The following LYPD6 variants were observed in gnomAD, a reference collection of about 807,000 sequenced individuals.
LYPD6 encodes the protein LY6/PLAUR domain containing 6.
In LYPD6, 15 loss-of-function variants were observed where a neutral mutation model predicts 22.7. The ratio of observed to expected loss-of-function variants is 0.66; its 90% CI spans 0.44 to 1.02. The LOEUF (loss-of-function observed/expected upper bound fraction) is 1.02, where lower values mean the gene tolerates loss of function less well. Ranked by LOEUF, LYPD6 falls within the 50% of genes least tolerant of loss-of-function variation. The pLI, the probability that LYPD6 is intolerant of heterozygous loss-of-function variation, is 0.00. For synonymous variants in LYPD6, 72 were observed against 77.5 expected (o/e 0.93, Z 0.37); for missense variants, 189 against 208.4 (o/e 0.91, Z 0.57).
chr2:149,463,737 C>T (rs1681137274), intron 3 of LYPD6, among the ~76,000 whole-genome samples: 1 of 152,144 alleles, frequency 6.6e-6, no homozygotes, highest in Admixed American at 6.5e-5. Flanking sequence ...TTAACAAACC[C>T]AGTGAATGAG....
the LYPD6 span, among the ~76,000 whole-genome samples, chr2:149,485,837 G>C: frequency 1.3e-5 from 2 of 152,124 alleles, no homozygotes; most frequent in Admixed American, 6.6e-5. Flanking sequence ...ATGTACATGG[G>C]AAGCACAATA....
At chr2:149,334,929 C>T (rs1573724195) in intron 1 of LYPD6, among the ~76,000 whole-genome samples, 1 of 152,112 alleles carries the variant, frequency 6.6e-6, no homozygotes, top group Admixed American at 6.5e-5. Context: ...GACATCTTAG[C>T]TGTGGTGATG....
At position 149,470,915 on chromosome 2, in the gene LYPD6, G is replaced by A; in HGVS notation, c.*65G>A. On this transcript the variant is annotated 3_prime_UTR_variant, in exon 5 of 5. Coordinates refer to ENST00000334166, the MANE Select transcript of LYPD6 (RefSeq NM_194317.5). ...ATCTCGATGGTCCACAGACCTGCAT[G>A]AGTCATTGGCCTGACAGTAATTACA... The A allele has an allele frequency of 6.9e-7, 1 of 1,447,904 alleles. No individual in the cohort carries two copies. 89.7% of individuals were successfully genotyped at this position (1,447,904 alleles called of 1,614,324 possible). A position where few individuals can be genotyped will look rare whatever the true frequency, so the allele number is the denominator to read the frequency against.
At chr2:149,408,534 G>A (rs190850847) in intron 1 of LYPD6, among the ~76,000 whole-genome samples, 13 of 152,122 alleles carry the variant, frequency 8.5e-5, no homozygotes, top group African/African-American at 2.9e-4. Flanking sequence ...TTCTTCCTTG[G>A]GAACGCCTAT....
At chr2:149,429,614 C>T (rs900321944) in intron 1 of LYPD6, among the ~76,000 whole-genome samples, 2 of 152,230 alleles carry the variant, frequency 1.3e-5, no homozygotes, top group Non-Finnish European at 2.9e-5. Flanking sequence ...AGCTGCTTTG[C>T]AAGTCACCAC....
intron 3 of LYPD6, among the ~76,000 whole-genome samples, chr2:149,468,178 C>CACACACAA (rs1681247675): frequency 2.0e-5 from 3 of 147,566 alleles, no homozygotes; most frequent in South Asian, 2.2e-4. Flanking sequence ...CACACACACA[C>CACACACAA]ACACACACAC....
chr2:149,474,500 A>G (rs1425036019), downstream of LYPD6, among the ~76,000 whole-genome samples: 1 of 152,098 alleles, frequency 6.6e-6, no homozygotes, highest in Admixed American at 6.5e-5. Context: ...GAGCCACTGC[A>G]CCCAATCTCT....
chr2:149,427,734 G>T (rs1683215671), intron 1 of LYPD6, among the ~76,000 whole-genome samples: 1 of 152,188 alleles, frequency 6.6e-6, no homozygotes, highest in South Asian at 2.1e-4. Context: ...TGTATAGTAG[G>T]CTATACCATC....
Position 149,362,475 on chromosome 2 carries a change from G to A in LYPD6, c.-72+31753G>A, listed in dbSNP as rs111759702. ...TATAATGTAATAGGAATAAATTGAG[G>A]AGAACTTAGAAAGGTCTGTTTGTTC... On this transcript the variant is annotated intron_variant, in intron 1 of 4. Coordinates refer to ENST00000334166, the MANE Select transcript of LYPD6 (RefSeq NM_194317.5). Among the ~76,000 whole-genome samples, 123 of 152,184 alleles carry A rather than the reference G, an allele frequency of 8.1e-4. 2 individuals carry two copies. Among genetic ancestry groups the A allele is most frequent in the African/African-American group, 2.9e-3 (119 of 41,532 alleles).
chr2:149,481,365 G>A, the LYPD6 span, among the ~76,000 whole-genome samples: 1 of 152,172 alleles, frequency 6.6e-6, no homozygotes, highest in South Asian at 2.1e-4. Flanking sequence ...TCTCTTGCTG[G>A]TTGCAACATA....
At chr2:149,391,668 G>A (rs1339959837) in intron 1 of LYPD6, among the ~76,000 whole-genome samples, 1 of 152,082 alleles carries the variant, frequency 6.6e-6, no homozygotes, top group South Asian at 2.1e-4. Flanking sequence ...ACACTTAGGG[G>A]CCACTCAAGG....
chr2:149,347,204 GAA>G (rs1350804104), intron 1 of LYPD6, among the ~76,000 whole-genome samples: 1 of 152,132 alleles, frequency 6.6e-6, no homozygotes, highest in Non-Finnish European at 1.5e-5. Flanking sequence ...GAAGAAGAGA[GAA>G]GAGAGAGAAG....
chr2:149,354,683 TCA>T (rs2105062116), intron 1 of LYPD6, among the ~76,000 whole-genome samples: 1 of 152,296 alleles, frequency 6.6e-6, no homozygotes, highest in East Asian at 1.9e-4. Flanking sequence ...AACCACCTGC[TCA>T]CCTTTTCTTT....
At chr2:149,452,466 C>T (rs1244021881) in intron 3 of LYPD6, among the ~76,000 whole-genome samples, 1 of 152,170 alleles carries the variant, frequency 6.6e-6, no homozygotes, top group Non-Finnish European at 1.5e-5. Context: ...TGTTAGTAGT[C>T]TGAAGCAGCT....
At chr2:149,448,840 G>T (rs1481619197) in intron 2 of LYPD6, among the ~76,000 whole-genome samples, 1 of 152,152 alleles carries the variant, frequency 6.6e-6, no homozygotes, top group Non-Finnish European at 1.5e-5. Context: ...GTTGACATTT[G>T]TGTACAGATT....
chr2:149,410,556 A>C lies in LYPD6; in HGVS notation c.-71-27082A>C, dbSNP rs528076406. Among the ~76,000 whole-genome samples the C allele has an allele frequency of 2.1e-4, 32 of 152,320 alleles. No individual in the cohort carries two copies. The South Asian group carries it at 5.2e-3, about 25-fold the overall frequency. Reference sequence around the variant, plus strand: ...CCTGAAAAGTAACTCTTGCTTCTCCAGTGAAAAGTCCTATGCTAATTTCTG... The same window carrying C: ...CCTGAAAAGTAACTCTTGCTTCTCCCGTGAAAAGTCCTATGCTAATTTCTG... On this transcript the variant is annotated intron_variant, in intron 1 of 4. Transcript: ENST00000334166.
Position 149,393,781 on chromosome 2 carries a change from C to T in LYPD6, c.-71-43857C>T, listed in dbSNP as rs909427936. Among the ~76,000 whole-genome samples the T allele has an allele frequency of 1.2e-4, 18 of 152,292 alleles. No homozygotes were observed. The East Asian group carries it at 2.7e-3, about 23-fold the overall frequency. On this transcript the variant is annotated intron_variant, in intron 1 of 4. Coordinates refer to ENST00000334166, the MANE Select transcript of LYPD6 (RefSeq NM_194317.5). ...GATGAGATTAGCTTTCCCCAGCTGGCGAGACTGGAGACATTTTAAAAAGCA... is the reference window on the plus strand; with the variant it reads ...GATGAGATTAGCTTTCCCCAGCTGGTGAGACTGGAGACATTTTAAAAAGCA...
intron 3 of LYPD6, among the ~76,000 whole-genome samples, chr2:149,462,301 A>G (rs1168105694): frequency 6.6e-6 from 1 of 152,044 alleles, no homozygotes; most frequent in Non-Finnish European, 1.5e-5. Flanking sequence ...TTAAAAATAT[A>G]CCATTTAAAA....
At chr2:149,482,775 T>TAGGAG in the LYPD6 span, among the ~76,000 whole-genome samples, 2 of 152,276 alleles carry the variant, frequency 1.3e-5, no homozygotes, top group East Asian at 3.9e-4. Context: ...CTCTCCTTTT[T>TAGGAG]AGGACACAAA....
Sources: allele counts gnomAD v4.1 joint callset (sites outside exome capture counted in the v4.1 genomes callset), GRCh38; gene constraint gnomAD v4.1.1; transcripts MANE v1.5; gene names NCBI Gene and HGNC (gene_info 2026-07-23, HGNC 2026-07-21).